The following SDCBP2 variants were observed in gnomAD, a reference collection of about 807,000 sequenced individuals.
SDCBP2 encodes syntenin-2.
Under a neutral mutation model 30.7 loss-of-function variants are expected in SDCBP2, and 28 were observed. The observed-to-expected ratio is 0.91, with a 90% CI of 0.68 to 1.25. The LOEUF is 1.25. SDCBP2 is among the 50% of genes most tolerant of loss of function. The pLI is 0.00. For missense variants in SDCBP2, 399 were observed against 379.0 expected, an observed-to-expected ratio of 1.05 and a Z score of -0.44; for synonymous variants, 166 against 157.3, an observed-to-expected ratio of 1.06 and a Z score of -0.41.
rs2088903611 is a variant in SDCBP2 at position 1,325,258 on chromosome 20, G to A, written c.-20+3827C>T. The A allele has an allele frequency of 2.0e-5, 3 of 152,330 alleles. No homozygotes were observed. In the South Asian group the frequency reaches 6.2e-4, roughly 32 times the overall value. The allele number at this position is 152,330 out of a possible 1,614,324, so 9.4% of individuals were successfully genotyped here. Reference sequence around the variant, plus strand: ...CCCTTTCTTAGCCCCAAACCAGCCGGAAGCGACATCTTCCGGTTGCTACAG... The same window carrying A: ...CCCTTTCTTAGCCCCAAACCAGCCGAAAGCGACATCTTCCGGTTGCTACAG... On this transcript the variant is annotated intron_variant, in intron 1 of 8. Transcript: ENST00000360779.
chr20:1,328,358 A>G (rs1437906080), intron 1 of SDCBP2, among the ~76,000 whole-genome samples: 1 of 152,016 alleles, frequency 6.6e-6, no homozygotes, highest in Non-Finnish European at 1.5e-5. Flanking sequence ...TGTTTGGAGG[A>G]TGGGCTACAG....
chr20:1,310,803 T>C lies in SDCBP2; in HGVS notation c.821A>G (p.Lys274Arg). Residue 274 changes from lysine (K) to arginine (R), a missense_variant, in exon 8 of 9, where the codon AAA becomes AGA. By Grantham distance (26) the Lys-to-Arg change is conservative. Transcript: ENST00000360779. ...IPSVIYEHMVKKLPPVLLHHT... is the reference protein window; with the variant it reads ...IPSVIYEHMVRKLPPVLLHHT... ...GTGAGGAGGGGTGCAGCCTTACTTT[T>C]TGACCATGTGCTCGTAGATCACACT... 1.2e-6 allele frequency: 2 copies of C among 1,612,304 alleles called. No homozygotes were observed. Among genetic ancestry groups the C allele is most frequent in the Non-Finnish European group, 1.7e-6 (2 of 1,178,638 alleles).
chr20:1,313,671 G>A lies in SDCBP2; in HGVS notation c.226-173C>T, dbSNP rs1002949135. The stretch of plus-strand genomic sequence containing the variant: ...GCGAGAGGAGACGTGGCTCCACGCG[G>A]CCACTAGGGGGCGTCAAAGTCCATG... On this transcript the variant is annotated intron_variant, in intron 4 of 8. Transcript: ENST00000360779. This position sits in a 1 kb window ranked among gnomAD's most constrained non-coding sequence, Gnocchi z 5.2. 5 of 1,369,260 alleles carry A rather than the reference G, an allele frequency of 3.7e-6. No homozygotes were observed. In the African/African-American group the frequency reaches 6.0e-5, roughly 16 times the overall value. The allele number at this position is 1,369,260 out of a possible 1,614,324, so 84.8% of individuals were successfully genotyped here.
intron 1 of SDCBP2, among the ~76,000 whole-genome samples, chr20:1,328,392 A>G (rs1600290392): frequency 6.6e-6 from 1 of 152,104 alleles, no homozygotes; most frequent in African/African-American, 2.4e-5. Context: ...GCAGGAGCCC[A>G]GGTGGGAAGT....
At chr20:1,312,143 C>T (rs1015784630) in intron 7 of SDCBP2, among the ~76,000 whole-genome samples, 194 bp downstream of exon 7, 2 of 152,154 alleles carry the variant, frequency 1.3e-5, no homozygotes, top group African/African-American at 4.8e-5. Flanking sequence ...AGTGATCCTC[C>T]TGCTTTGGCC....
chr20:1,313,741 AG>A lies in SDCBP2; in HGVS notation c.226-244del, dbSNP rs2088725435. ...ACGGGGAGGGAAGGGGCGAGGATACAGGAAGAGGCCCTTCATTTCCCAAGGG... is the reference window on the plus strand; with the variant it reads ...ACGGGGAGGGAAGGGGCGAGGATACAGAAGAGGCCCTTCATTTCCCAAGGG... On this transcript the variant is annotated intron_variant, in intron 4 of 8. Coordinates refer to ENST00000360779, the MANE Select transcript of SDCBP2 (RefSeq NM_080489.5). The surrounding 1 kb of genome is among the most constrained non-coding windows in gnomAD (Gnocchi z 5.2). 9.6e-7 allele frequency: 1 copy of A among 1,038,680 alleles called. No individual in the cohort carries two copies. The highest frequency in any genetic ancestry group is 1.3e-6 in the Non-Finnish European group (1 of 792,338). 64.3% of individuals were successfully genotyped at this position (1,038,680 alleles called of 1,614,324 possible). A position where few individuals can be genotyped will look rare whatever the true frequency, so the allele number is the denominator to read the frequency against.
chr20:1,310,073 C>T lies in SDCBP2; in HGVS notation c.*368G>A, dbSNP rs1358998085. 2.7e-5 allele frequency: 5 copies of T among 187,704 alleles called. No homozygotes were observed. Among genetic ancestry groups the T allele is most frequent in the Non-Finnish European group, 5.4e-5 (5 of 92,254 alleles). The allele number at this position is 187,704 out of a possible 1,614,324, so 11.6% of individuals were successfully genotyped here. ...AGTCAAGGCAAGGAAAAAGCTCTCA[C>T]AAAGAACGTAGCTCTGTTCTCTTAA... is the stretch of plus-strand genomic sequence containing the variant. On this transcript the variant is annotated 3_prime_UTR_variant, in exon 9 of 9. Transcript: ENST00000360779.
In SDCBP2 at chr20:1,312,439, C is replaced by T; in HGVS notation, c.630G>A (p.Gly210=). 6.2e-7 allele frequency: 1 copy of T among 1,614,124 alleles called. No homozygotes were observed. The highest frequency in any genetic ancestry group is 8.5e-7 in the Non-Finnish European group (1 of 1,179,986). The change falls in exon 7 of 9, where the codon GGG becomes GGA. Residue 210 remains glycine (G), a synonymous_variant. Coordinates refer to ENST00000360779, the MANE Select transcript of SDCBP2 (RefSeq NM_080489.5). ...TCCCTTTGACCAGAGAGACAATCTTCCCCTTCTTGATCACGAAGCCGACGT... is the reference window on the plus strand; with the variant it reads ...TCCCTTTGACCAGAGAGACAATCTTTCCCTTCTTGATCACGAAGCCGACGT... ...MGHVGFVIKK[G]KIVSLVKGSS... is the part of the protein sequence containing the mutation.
At position 1,312,719 on chromosome 20, in the gene SDCBP2, A is replaced by G. The variant is rs142185640; in HGVS notation, c.428T>C (p.Leu143Pro). ...QLVQANTPAS[L>P]VGLRFGDQLL... ...CTGGTCCCCAAAGCGCAGCCCCACA[A>G]GGGATGCAGGGGTGTTGGCCTGGAC... The change falls in exon 6 of 9, where the codon CTT (leucine) becomes CCT (proline). Residue 143 changes from leucine to proline, a missense_variant. Physicochemically the swap from Leu to Pro is moderately conservative, Grantham distance 98 (BLOSUM62 -3). Coordinates refer to ENST00000360779, the MANE Select transcript of SDCBP2 (RefSeq NM_080489.5). The G allele has an allele frequency of 2.5e-6, 4 of 1,613,924 alleles. No homozygotes were observed. Among genetic ancestry groups the G allele is most frequent in the African/African-American group, 2.7e-5 (2 of 75,040 alleles).
chr20:1,318,836 C>G (rs2088815964), intron 3 of SDCBP2, among the ~76,000 whole-genome samples: 2 of 152,126 alleles, frequency 1.3e-5, no homozygotes, highest in African/African-American at 4.8e-5. Flanking sequence ...CTCTTTTAAG[C>G]AAGTACACTG....
rs41280300 is a variant in SDCBP2, at chr20:1,312,678, C to A, written c.469G>T (p.Gly157Trp). 1.9e-5 allele frequency: 31 copies of A among 1,614,056 alleles called. No homozygotes were observed. Among genetic ancestry groups the A allele is most frequent in the Non-Finnish European group, 2.5e-5 (30 of 1,180,030 alleles). The change falls in exon 6 of 9, where the codon GGG (glycine) becomes TGG (tryptophan). Residue 157 changes from glycine to tryptophan, a missense_variant. By Grantham distance (184) the Gly-to-Trp change is radical (BLOSUM62 -2). Transcript: ENST00000360779. The stretch of plus-strand genomic sequence containing the variant: ...GAGCTCCACCCAGCACAGTCACGCC[C>A]GTCAATCTGCAGGAGCTGGTCCCCA... ...RFGDQLLQID[G>W]RDCAGWSSHK...
Position 1,319,589 on chromosome 20 carries a change from C to T in SDCBP2, c.124+1G>A, listed in dbSNP as rs1356671801. The T allele has an allele frequency of 6.4e-7, 1 of 1,566,098 alleles. No individual in the cohort carries two copies. The highest frequency in any genetic ancestry group is 8.7e-7 in the Non-Finnish European group (1 of 1,154,076). On this transcript the variant is annotated splice_donor_variant, in intron 3 of 8. Transcript: ENST00000360779. LOFTEE classifies it high-confidence loss of function. ...GGAGCCCCTCATCCCAGCCCACTCACCTGGTGGTGGGGAAATGGCTGTTGC... is the reference window on the plus strand; with the variant it reads ...GGAGCCCCTCATCCCAGCCCACTCATCTGGTGGTGGGGAAATGGCTGTTGC...
chr20:1,313,354 G>T lies in SDCBP2; in HGVS notation c.370C>A (p.Arg124=). The T allele has an allele frequency of 3.7e-6, 6 of 1,611,392 alleles. No individual in the cohort carries two copies. Among genetic ancestry groups the T allele is most frequent in the African/African-American group, 1.3e-5 (1 of 75,034 alleles). ...DERGKTGLRL[R]KVDQGLFVQL... Reference sequence around the variant, plus strand: ...CCGCGCCCTACCTGGTCGACCTTCCGCAGCCTCAGCCCGGTCTTGCCGCGC... The same window carrying T: ...CCGCGCCCTACCTGGTCGACCTTCCTCAGCCTCAGCCCGGTCTTGCCGCGC... The change falls in exon 5 of 9, where the codon CGG becomes AGG. Residue 124 remains arginine (R), a synonymous_variant. Transcript: ENST00000360779. This position sits in a 1 kb window ranked among gnomAD's most constrained non-coding sequence, Gnocchi z 5.2.
Position 1,329,125 on chromosome 20 carries a change from G to C in SDCBP2, c.-60C>G, listed in dbSNP as rs1311267794. 6.6e-6 allele frequency: 1 copy of C among 152,324 alleles called. No individual in the cohort carries two copies. The highest frequency in any genetic ancestry group is 1.5e-5 in the Non-Finnish European group (1 of 68,182). 9.4% of individuals were successfully genotyped at this position (152,324 alleles called of 1,614,324 possible). A position where few individuals can be genotyped will look rare whatever the true frequency, so the allele number is the denominator to read the frequency against. On this transcript the variant is annotated 5_prime_UTR_variant, in exon 1 of 9. Transcript: ENST00000360779. The surrounding 1 kb of genome is among the most constrained non-coding windows in gnomAD (Gnocchi z 4.3). ...TGCTCCACGACCTTCTCCAGCTGCTGCCGCTGCTGAATCTGTTTCCCTCCC... is the reference window on the plus strand; with the variant it reads ...TGCTCCACGACCTTCTCCAGCTGCTCCCGCTGCTGAATCTGTTTCCCTCCC...
Position 1,312,769 on chromosome 20 carries a change from G to A in SDCBP2, c.385-7C>T, listed in dbSNP as rs1014004741. ...CCAACTGCACAAAGAGCCCCTGGGG[G>A]AGGCAGGGCCCCAGAGTCAGTGTCC... On this transcript the variant is annotated splice_region_variant and splice_polypyrimidine_tract_variant and intron_variant, in intron 5 of 8. Transcript: ENST00000360779. 5 of 1,605,836 alleles carry A rather than the reference G, an allele frequency of 3.1e-6. No homozygotes were observed. In the African/African-American group the frequency reaches 6.7e-5, roughly 21 times the overall value.
Sources: gnomAD v4.1 joint callset for allele counts (sites outside exome capture counted in the v4.1 genomes callset) on GRCh38, gnomAD v4.1.1 for gene constraint, Gnocchi (gnomAD v3.1) non-coding constraint, MANE v1.5 for transcripts, NCBI Gene and HGNC (gene_info 2026-07-23, HGNC 2026-07-21) for gene names.